Variants in FAAH2 observed in about 807,000 individuals in gnomAD.
FAAH2 encodes fatty-acid amide hydrolase 2.
Under a neutral mutation model 36.9 loss-of-function variants are expected in FAAH2, and 60 were observed. The ratio of observed to expected loss-of-function variants is 1.63; its 90% CI spans 1.32 to 2.02. FAAH2 has a LOEUF of 2.02. Ranked by LOEUF, FAAH2 falls within the 30% of genes most tolerant of loss-of-function variation. The probability of loss-of-function intolerance (pLI) is 0.00; values close to 1 mark genes in which losing one functional copy is unlikely to be tolerated. For synonymous variants in FAAH2, 214 were observed against 143.8 expected, an observed-to-expected ratio of 1.49 and a Z score of -3.49; for missense variants, 689 against 397.5, an observed-to-expected ratio of 1.73 and a Z score of -6.23.
At chrX:57,204,108 A>G in the FAAH2 span, among the ~76,000 whole-genome samples, 1 of 111,135 alleles carries the variant, frequency 9.0e-6, no homozygotes, top group African/African-American at 3.3e-5. Context: ...TTAGGGGACA[A>G]ATCCATAATG....
At chrX:57,480,099 C>T (rs1248679333) in intron 10 of FAAH2, among the ~76,000 whole-genome samples, 1 of 111,413 alleles carries the variant, frequency 9.0e-6, no homozygotes, top group Non-Finnish European at 1.9e-5. Context: ...ATAACAGGCT[C>T]TGAAATTGTG....
chrX:57,248,936 G>A, the FAAH2 span, among the ~76,000 whole-genome samples: 1 of 107,932 alleles, frequency 9.3e-6, no homozygotes, highest in Non-Finnish European at 1.9e-5. Flanking sequence ...CCTTATTTGG[G>A]CTTCACATAA....
chrX:57,233,092 G>A, the FAAH2 span, among the ~76,000 whole-genome samples: 2 of 112,064 alleles, frequency 1.8e-5, no homozygotes, highest in Non-Finnish European at 3.8e-5. Context: ...CCTACAACCA[G>A]GTCTATGGTA....
intron 10 of FAAH2, among the ~76,000 whole-genome samples, chrX:57,479,998 A>G (rs1176624939): frequency 1.8e-5 from 2 of 112,113 alleles, no homozygotes; most frequent in East Asian, 5.6e-4. Context: ...ATGCAAATAA[A>G]CTAGAAAATC....
chrX:57,265,270 C>A, the FAAH2 span, among the ~76,000 whole-genome samples: 1 of 111,521 alleles, frequency 9.0e-6, no homozygotes, highest in African/African-American at 3.3e-5. Flanking sequence ...ACTGCAACCC[C>A]AGGTGGTTAG....
the FAAH2 span, among the ~76,000 whole-genome samples, chrX:57,280,249 A>T: frequency 1.8e-5 from 2 of 110,386 alleles, no homozygotes; most frequent in Non-Finnish European, 3.8e-5. Context: ...TGATTATAAC[A>T]TTTACACGGA....
chrX:57,483,855 G>A (rs996224636), intron 10 of FAAH2, among the ~76,000 whole-genome samples: 5 of 89,574 alleles, frequency 5.6e-5, no homozygotes, highest in Non-Finnish European at 8.2e-5. Context: ...ATGCAATGGC[G>A]CACAATAAAT....
chrX:57,346,498 G>A (rs5960957), intron 5 of FAAH2, among the ~76,000 whole-genome samples: 1,297 of 111,829 alleles, frequency 0.012, 18 homozygotes, highest in African/African-American at 0.041. Flanking sequence ...GTTGCTTTGA[G>A]CCTTTCAGTG....
At chrX:57,155,201 A>G in the FAAH2 span, among the ~76,000 whole-genome samples, 1 of 111,517 alleles carries the variant, frequency 9.0e-6, no homozygotes, top group Admixed American at 9.5e-5. Flanking sequence ...ATGGAGGATC[A>G]GGTGGTAGGT....
chrX:57,448,808 C>G (rs1469621047), intron 10 of FAAH2, 90 bp downstream of exon 10: 13 of 938,043 alleles, frequency 1.4e-5, no homozygotes, highest in Admixed American at 1.2e-4. Flanking sequence ...TGCAGTTGGA[C>G]AAGTTTTAAA....
At chrX:57,265,624 G>C in the FAAH2 span, among the ~76,000 whole-genome samples, 3 of 111,802 alleles carry the variant, frequency 2.7e-5, no homozygotes, top group Non-Finnish European at 5.7e-5. Flanking sequence ...CATCACTTGG[G>C]GGGTAACTCC....
At chrX:57,223,461 C>G in the FAAH2 span, among the ~76,000 whole-genome samples, 3 of 111,853 alleles carry the variant, frequency 2.7e-5, no homozygotes, top group African/African-American at 9.8e-5. Flanking sequence ...ACAACCCTTT[C>G]CATATCAGTT....
chrX:57,375,508 C>A (rs1185131452), intron 5 of FAAH2, among the ~76,000 whole-genome samples: 1 of 109,608 alleles, frequency 9.1e-6, no homozygotes, highest in African/African-American at 3.3e-5. Flanking sequence ...CTAGTTTATG[C>A]TAGTAAAGGT....
At chrX:57,344,342 T>C (rs1006588381) in intron 5 of FAAH2, among the ~76,000 whole-genome samples, 2 of 111,107 alleles carry the variant, frequency 1.8e-5, no homozygotes, top group Non-Finnish European at 3.8e-5. Flanking sequence ...GTGGTATTTC[T>C]AGATATTGTA....
chrX:57,212,101 G>A, the FAAH2 span, among the ~76,000 whole-genome samples: 1 of 111,248 alleles, frequency 9.0e-6, no homozygotes, highest in Non-Finnish European at 1.9e-5. Context: ...GCCTGTAGGT[G>A]GCAACAGTAG....
chrX:57,399,847 G>T, intron 7 of FAAH2, among the ~76,000 whole-genome samples: 1 of 112,058 alleles, frequency 8.9e-6, no homozygotes, highest in South Asian at 3.8e-4. Context: ...GCGCCTGAGT[G>T]AGGGCTATTA....
At chrX:57,433,789 C>A (rs1249873119) in intron 8 of FAAH2, among the ~76,000 whole-genome samples, 1 of 112,173 alleles carries the variant, frequency 8.9e-6, no homozygotes, top group Non-Finnish European at 1.9e-5. Context: ...ACATTTATTT[C>A]TTTTTATACT....
chrX:57,299,264 A>C (rs2052254226), intron 2 of FAAH2, among the ~76,000 whole-genome samples: 1 of 112,143 alleles, frequency 8.9e-6, no homozygotes, highest in Non-Finnish European at 1.9e-5. Context: ...ACCATGATCA[A>C]GTGGGGTTCA....
chrX:57,431,771 GT>G (rs1218617071), intron 7 of FAAH2, 146 bp from the exon 8 acceptor site: 94 of 202,056 alleles, frequency 4.7e-4, no homozygotes, highest in Admixed American at 4.2e-3. Context: ...TTGTTTTTTT[GT>G]TTTTTTGTTT....
Sources: gnomAD v4.1 joint callset for allele counts (sites outside exome capture counted in the v4.1 genomes callset) on GRCh38, gnomAD v4.1.1 for gene constraint, MANE v1.5 for transcripts, NCBI Gene and HGNC (gene_info 2026-07-23, HGNC 2026-07-21) for gene names.